The following GRM8 variants were observed in gnomAD, a reference collection of about 807,000 sequenced individuals.
GRM8 encodes the protein glutamate metabotropic receptor 8.
In GRM8, 47 loss-of-function variants were observed where a neutral mutation model predicts 87.2. The ratio of observed to expected loss-of-function variants is 0.54; its 90% CI spans 0.43 to 0.69. GRM8 has a LOEUF of 0.69. GRM8 is among the 30% of genes least tolerant of loss of function. The pLI, the probability that GRM8 is intolerant of heterozygous loss-of-function variation, is 0.00. For missense variants in GRM8, 1,019 were observed against 1,139.2 expected (o/e 0.89, Z 1.52); for synonymous variants, 396 against 404.5 (o/e 0.98, Z 0.25).
chr7:127,107,539 T>C (rs17866778), intron 2 of GRM8, among the ~76,000 whole-genome samples: 2,579 of 152,250 alleles, frequency 0.017, 68 homozygotes, highest in African/African-American at 0.058. Flanking sequence ...AGTTCAGAGA[T>C]CAAAGTGACT....
At chr7:126,651,183 G>A (rs574588100) in intron 7 of GRM8, among the ~76,000 whole-genome samples, 4 of 152,314 alleles carry the variant, frequency 2.6e-5, no homozygotes, top group Admixed American at 1.3e-4. Context: ...CACTGTCATG[G>A]TATCCCACAC....
chr7:127,006,016 G>T (rs1229315343), intron 3 of GRM8, among the ~76,000 whole-genome samples: 1 of 151,570 alleles, frequency 6.6e-6, no homozygotes, highest in Non-Finnish European at 1.5e-5. Flanking sequence ...TGGCCTCAAA[G>T]CCTCCCTCAA....
intron 8 of GRM8, among the ~76,000 whole-genome samples, chr7:126,536,013 G>A (rs758782191): frequency 6.6e-6 from 1 of 152,208 alleles, no homozygotes; most frequent in African/African-American, 2.4e-5. Flanking sequence ...GAAATGTTGT[G>A]AGATGATGTT....
intron 7 of GRM8, among the ~76,000 whole-genome samples, chr7:126,671,149 CCCTGTACAGGGTTCTTGA>C (rs1173496631): frequency 6.6e-6 from 1 of 152,158 alleles, no homozygotes; most frequent in Non-Finnish European, 1.5e-5. Context: ...TCCATGTAGT[CCCTGTACAGGGTTCTTGA>C]CCTGTGGTCA....
intron 3 of GRM8, among the ~76,000 whole-genome samples, chr7:126,947,523 GTATA>G (rs1807669989): frequency 6.6e-6 from 1 of 151,688 alleles, no homozygotes; most frequent in South Asian, 2.1e-4. Flanking sequence ...TTATCTTAAT[GTATA>G]TATATTGTAT....
chr7:126,955,626 TTTTC>T (rs1172387418), intron 3 of GRM8, among the ~76,000 whole-genome samples: 1 of 152,190 alleles, frequency 6.6e-6, no homozygotes, highest in Non-Finnish European at 1.5e-5. Flanking sequence ...AATGGGTTCC[TTTTC>T]TTTATCTGGC....
chr7:126,521,809 T>C lies in GRM8; in HGVS notation c.2430+11143A>G, dbSNP rs529548527. On this transcript the variant is annotated intron_variant, in intron 9 of 10. Coordinates refer to ENST00000339582, the MANE Select transcript of GRM8 (RefSeq NM_000845.3). ...TTATATATTTAAATTGGATGCATCA[T>C]TTACAAATAATTTGGCTTTTATTTC... 4.5e-4 allele frequency among the ~76,000 whole-genome samples: 68 copies of C among 152,346 alleles called. 1 individual carries two copies. Among genetic ancestry groups the C allele is most frequent in the South Asian group, 3.5e-3 (17 of 4,830 alleles).
chr7:126,986,420 T>TA (rs953678124), intron 3 of GRM8, among the ~76,000 whole-genome samples: 2 of 152,196 alleles, frequency 1.3e-5, no homozygotes, highest in Admixed American at 6.5e-5. Flanking sequence ...TTCTTATAGT[T>TA]AGAGTACATC....
At chr7:127,204,389 G>A (rs1795788774) in intron 2 of GRM8, among the ~76,000 whole-genome samples, 1 of 152,160 alleles carries the variant, frequency 6.6e-6, no homozygotes, top group Non-Finnish European at 1.5e-5. Flanking sequence ...AGAGAGCCAA[G>A]GGTTCCACCA....
At chr7:127,114,070 C>T (rs1826552489) in intron 2 of GRM8, among the ~76,000 whole-genome samples, 1 of 152,118 alleles carries the variant, frequency 6.6e-6, no homozygotes, top group Non-Finnish European at 1.5e-5. Flanking sequence ...AAGTTTGCAT[C>T]CAAAAACATG....
At chr7:126,716,301 T>C (rs560708561) in intron 7 of GRM8, among the ~76,000 whole-genome samples, 1 of 152,102 alleles carries the variant, frequency 6.6e-6, no homozygotes, top group African/African-American at 2.4e-5. Flanking sequence ...TTGAGACTCA[T>C]GTTGGCAGCA....
At chr7:126,505,547 T>A (rs1810325089) in intron 9 of GRM8, among the ~76,000 whole-genome samples, 1 of 152,074 alleles carries the variant, frequency 6.6e-6, no homozygotes, top group Admixed American at 6.6e-5. Context: ...AAACTACTTT[T>A]ACCTGTACAT....
intron 6 of GRM8, among the ~76,000 whole-genome samples, chr7:126,792,037 A>T (rs1821398274): frequency 6.6e-6 from 1 of 152,106 alleles, no homozygotes; most frequent in Admixed American, 6.6e-5. Flanking sequence ...ATGGTTTCAG[A>T]GTGGTGATTT....
intron 1 of GRM8, among the ~76,000 whole-genome samples, chr7:127,248,003 T>C (rs1798667865): frequency 6.6e-6 from 1 of 152,172 alleles, no homozygotes; most frequent in Non-Finnish European, 1.5e-5. Flanking sequence ...TGGAAAGTAA[T>C]TATTTGCATT....
At chr7:126,813,179 T>C (rs756180219) in intron 6 of GRM8, among the ~76,000 whole-genome samples, 11 of 151,992 alleles carry the variant, frequency 7.2e-5, no homozygotes, top group Non-Finnish European at 1.5e-4. Context: ...AAGAAACTTT[T>C]AGATGCTTCC....
Position 126,507,451 on chromosome 7 carries a change from T to C in GRM8, c.2430+25501A>G, listed in dbSNP as rs573336738. Among the ~76,000 whole-genome samples the C allele has an allele frequency of 7.2e-5, 11 of 152,240 alleles. No homozygotes were observed. The South Asian group carries it at 1.7e-3, about 23-fold the overall frequency. On this transcript the variant is annotated intron_variant, in intron 9 of 10. Transcript: ENST00000339582. ...GCACTTAGTAATTACTTAACAAATA[T>C]TGGCTACAAATATATCATTTTTCTC...
intron 9 of GRM8, among the ~76,000 whole-genome samples, chr7:126,491,583 C>T (rs759603877): frequency 7.9e-5 from 12 of 151,928 alleles, no homozygotes; most frequent in Non-Finnish European, 1.6e-4. Context: ...AGTAATGGGG[C>T]CTCATACAAA....
At chr7:126,726,894 G>A (rs1286786520) in intron 7 of GRM8, among the ~76,000 whole-genome samples, 1 of 151,890 alleles carries the variant, frequency 6.6e-6, no homozygotes. Flanking sequence ...TGGTTTGCAT[G>A]AGTAATGTGT....
rs114037260 is a variant in GRM8 at position 126,507,373 on chromosome 7, C to T, written c.2430+25579G>A. 5.8e-3 allele frequency among the ~76,000 whole-genome samples: 875 copies of T among 152,110 alleles called. 11 individuals are homozygous for T. The highest frequency in any genetic ancestry group is 0.02 in the African/African-American group (833 of 41,502). The stretch of plus-strand genomic sequence containing the variant: ...TTTATAAAATTGAATAAAAATAGCA[C>T]GTCTTATGGTGTCAGTGTGAGGATG... On this transcript the variant is annotated intron_variant, in intron 9 of 10. Transcript: ENST00000339582.
Sources: allele counts gnomAD v4.1 joint callset (sites outside exome capture counted in the v4.1 genomes callset), GRCh38; gene constraint gnomAD v4.1.1; transcripts MANE v1.5; gene names NCBI Gene and HGNC (gene_info 2026-07-23, HGNC 2026-07-21).